PRKN: variants seen among roughly 807,000 people sequenced by gnomAD.
PRKN encodes the protein E3 ubiquitin-protein ligase parkin.
PRKN carries 56 observed loss-of-function variants against 59.5 expected under a neutral mutation model. The ratio of observed to expected loss-of-function variants is 0.94; its 90% CI spans 0.76 to 1.18. PRKN has a LOEUF of 1.18. PRKN is among the 50% of genes most tolerant of loss of function. PRKN has a pLI of 0.00. For synonymous variants in PRKN, 250 were observed against 222.1 expected (o/e 1.13, Z -1.12); for missense variants, 657 against 596.4 (o/e 1.10, Z -1.06).
intron 5 of PRKN, among the ~76,000 whole-genome samples, chr6:162,034,182 TATATAGAGAG>T (rs1783750091): frequency 1.6e-5 from 2 of 121,550 alleles, no homozygotes; most frequent in African/African-American, 7.0e-5. Flanking sequence ...TATATATATA[TATATAGAGAG>T]AGAGAGAGAG....
intron 3 of PRKN, among the ~76,000 whole-genome samples, chr6:162,241,258 G>T (rs1375585381): frequency 6.6e-6 from 1 of 151,948 alleles, no homozygotes; most frequent in African/African-American, 2.4e-5. Flanking sequence ...ACATTATTTA[G>T]ATTTGTGAAA....
chr6:162,133,188 A>G (rs1317869027), intron 4 of PRKN, among the ~76,000 whole-genome samples: 1 of 152,208 alleles, frequency 6.6e-6, no homozygotes, highest in African/African-American at 2.4e-5. Context: ...ACTGATAGGA[A>G]TAGGACTGGG....
intron 2 of PRKN, among the ~76,000 whole-genome samples, chr6:162,348,477 A>G (rs1005366583): frequency 1.3e-5 from 2 of 152,184 alleles, no homozygotes; most frequent in Non-Finnish European, 2.9e-5. Context: ...CCTATATTAG[A>G]AAAGAAGATC....
chr6:161,727,714 C>T (rs1257761937), intron 7 of PRKN, among the ~76,000 whole-genome samples: 1 of 152,156 alleles, frequency 6.6e-6, no homozygotes, highest in Non-Finnish European at 1.5e-5. Context: ...CATCAGAACA[C>T]AGGACATTGC....
Position 162,691,291 on chromosome 6 carries a change from A to G in PRKN, c.7+36371T>C, listed in dbSNP as rs1777765273. Among the ~76,000 whole-genome samples the G allele has an allele frequency of 2.6e-5, 4 of 152,206 alleles. No homozygotes were observed. The South Asian group carries it at 6.2e-4, about 24-fold the overall frequency. On this transcript the variant is annotated intron_variant, in intron 1 of 11. Coordinates refer to ENST00000366898, the MANE Select transcript of PRKN (RefSeq NM_004562.3). ...AATTTATGCACACTTAAAACATAAA[A>G]TGTTTTAGAACAAAATATTTCAACT...
At chr6:161,520,281 A>G (rs1166078139) in intron 9 of PRKN, among the ~76,000 whole-genome samples, 13 of 145,698 alleles carry the variant, frequency 8.9e-5, no homozygotes, top group Non-Finnish European at 1.8e-4. Flanking sequence ...CTGGAGTACA[A>G]TGGCGTGATC....
chr6:162,450,409 T>TTGTAATCCCCTTGTGAA (rs1562774296), intron 1 of PRKN, among the ~76,000 whole-genome samples: 1 of 141,860 alleles, frequency 7.0e-6, no homozygotes, highest in African/African-American at 2.7e-5. Context: ...GCCCCTATGA[T>TTGTAATCCCCTTGTGAA]TGTAACACCC....
At chr6:161,840,484 T>C (rs1177302100) in intron 6 of PRKN, among the ~76,000 whole-genome samples, 1 of 152,188 alleles carries the variant, frequency 6.6e-6, no homozygotes, top group Non-Finnish European at 1.5e-5. Flanking sequence ...GTGCAGGATG[T>C]GCAGGTTTGT....
intron 9 of PRKN, among the ~76,000 whole-genome samples, chr6:161,434,759 T>C (rs890300145): frequency 1.3e-5 from 2 of 152,128 alleles, no homozygotes; most frequent in African/African-American, 4.8e-5. Context: ...TTAACGCAAT[T>C]TGAAACATGA....
chr6:161,483,657 T>C lies in PRKN; in HGVS notation c.1083+65197A>G, dbSNP rs1259531738. 6.6e-6 allele frequency among the ~76,000 whole-genome samples: 1 copy of C among 152,172 alleles called. No individual in the cohort carries two copies. ...TCATCCCCAATAGAGAGCACATTGG[T>C]AGCTCAAATAGGCTATTACTCACTG... On this transcript the variant is annotated intron_variant, in intron 9 of 11. Coordinates refer to ENST00000366898, the MANE Select transcript of PRKN (RefSeq NM_004562.3). This position sits in a 1 kb window ranked among gnomAD's most constrained non-coding sequence, Gnocchi z 5.0.
chr6:162,236,826 G>A (rs1778749501), intron 3 of PRKN, among the ~76,000 whole-genome samples: 1 of 148,834 alleles, frequency 6.7e-6, no homozygotes, highest in Admixed American at 6.7e-5. Context: ...GAGAGGGACA[G>A]AGAGAGAGAG....
chr6:161,927,330 A>C (rs1486255496), intron 6 of PRKN, among the ~76,000 whole-genome samples: 2 of 152,236 alleles, frequency 1.3e-5, no homozygotes. Context: ...TCTTACATAC[A>C]GGAAAATTAG....
chr6:161,937,462 A>G (rs1562402560), intron 6 of PRKN, among the ~76,000 whole-genome samples: 1 of 152,092 alleles, frequency 6.6e-6, no homozygotes, highest in Admixed American at 6.6e-5. Flanking sequence ...CACTTGTTTC[A>G]CTCTGATGCT....
intron 6 of PRKN, among the ~76,000 whole-genome samples, chr6:161,912,046 C>T (rs1448615954): frequency 1.3e-5 from 2 of 151,700 alleles, no homozygotes; most frequent in African/African-American, 2.4e-5. Context: ...GGTGTGATGG[C>T]GGGCACCTGT....
intron 6 of PRKN, among the ~76,000 whole-genome samples, chr6:161,834,629 T>C (rs1792663806): frequency 6.6e-6 from 1 of 152,244 alleles, no homozygotes. Flanking sequence ...TGTTACATTG[T>C]AGACACTGCA....
chr6:162,522,344 G>A (rs796386138), intron 1 of PRKN, among the ~76,000 whole-genome samples: 3 of 152,252 alleles, frequency 2.0e-5, no homozygotes, highest in South Asian at 2.1e-4. Flanking sequence ...GGCTGGTCTC[G>A]AACTTGTGAG....
intron 6 of PRKN, among the ~76,000 whole-genome samples, chr6:161,927,326 A>G (rs937265593): frequency 5.3e-5 from 8 of 152,212 alleles, no homozygotes; most frequent in African/African-American, 1.9e-4. Context: ...TACGTCTTAC[A>G]TACAGGAAAA....
intron 4 of PRKN, among the ~76,000 whole-genome samples, chr6:162,079,389 A>G (rs1158737391): frequency 2.6e-5 from 4 of 152,086 alleles, no homozygotes; most frequent in Non-Finnish European, 4.4e-5. Context: ...TAATTTGTAA[A>G]TCGGTGTCCT....
intron 1 of PRKN, among the ~76,000 whole-genome samples, chr6:162,450,386 T>TGTGAATATGAACGCCC (rs1790559884): frequency 1.5e-5 from 2 of 133,792 alleles, no homozygotes; most frequent in Admixed American, 7.5e-5. Context: ...GTAATCCCCC[T>TGTGAATATGAACGCCC]GTGAATGTAA....
Sources: gnomAD v4.1 joint callset for allele counts (sites outside exome capture counted in the v4.1 genomes callset) on GRCh38, gnomAD v4.1.1 for gene constraint, Gnocchi (gnomAD v3.1) non-coding constraint, MANE v1.5 for transcripts, NCBI Gene and HGNC (gene_info 2026-07-23, HGNC 2026-07-21) for gene names.